Variants in MAST2 observed in about 807,000 individuals in gnomAD.
MAST2 encodes the protein microtubule associated serine/threonine kinase 2.
A neutral mutation model predicts 147.4 loss-of-function variants in MAST2; 70 were observed. The ratio of observed to expected loss-of-function variants is 0.47; its 90% CI spans 0.39 to 0.58. The LOEUF is 0.58. Among genes scored for constraint, MAST2 ranks in the 20% least tolerant of loss-of-function variants. MAST2 has a pLI of 0.00. For missense variants in MAST2, 2,080 were observed against 2,302.3 expected, an observed-to-expected ratio of 0.90 and a Z score of 1.98; for synonymous variants, 869 against 896.8, an observed-to-expected ratio of 0.97 and a Z score of 0.55.
chr1:45,890,494 C>T (rs1647569730), intron 4 of MAST2, among the ~76,000 whole-genome samples: 1 of 152,130 alleles, frequency 6.6e-6, no homozygotes, highest in Non-Finnish European at 1.5e-5. Context: ...ATAGATCTGT[C>T]TCTTCTTCTT....
intron 4 of MAST2, among the ~76,000 whole-genome samples, chr1:45,928,176 C>T (rs1329873568): frequency 2.6e-5 from 4 of 152,198 alleles, no homozygotes; most frequent in Admixed American, 2.0e-4. Flanking sequence ...TCATCTACAT[C>T]CCCACCTATT....
chr1:45,944,840 C>T (rs541607589), intron 4 of MAST2, among the ~76,000 whole-genome samples: 1 of 152,314 alleles, frequency 6.6e-6, no homozygotes, highest in South Asian at 2.1e-4. Context: ...CCTTCTGTGC[C>T]ACGACTGCCT....
chr1:45,811,344 T>G (rs1006015316), intron 1 of MAST2, among the ~76,000 whole-genome samples: 4 of 146,154 alleles, frequency 2.7e-5, no homozygotes, highest in African/African-American at 9.9e-5. Context: ...TTGTATTTTT[T>G]TTTTTTTTTT....
chr1:45,863,478 G>A (rs1291571902), intron 3 of MAST2, among the ~76,000 whole-genome samples: 1 of 152,174 alleles, frequency 6.6e-6, no homozygotes, highest in East Asian at 1.9e-4. Context: ...AGACCACACT[G>A]GTTATGCTAA....
At chr1:46,027,316 C>T (rs1646452736) in intron 16 of MAST2, among the ~76,000 whole-genome samples, 1 of 152,152 alleles carries the variant, frequency 6.6e-6, no homozygotes, top group African/African-American at 2.4e-5. Flanking sequence ...TTATGTGTGC[C>T]CCCTGCCCCT....
intron 4 of MAST2, among the ~76,000 whole-genome samples, chr1:45,914,982 C>G (rs2148599932): frequency 6.6e-6 from 1 of 152,170 alleles, no homozygotes; most frequent in Admixed American, 6.5e-5. Context: ...ACTTTATGGC[C>G]CAGGCGGGAG....
chr1:46,033,639 C>G (rs1646773441), intron 26 of MAST2, among the ~76,000 whole-genome samples, 163 bp from the exon 27 acceptor site: 1 of 152,152 alleles, frequency 6.6e-6, no homozygotes, highest in Non-Finnish European at 1.5e-5. Flanking sequence ...GAGCCATTTC[C>G]TCATCTGTAA....
chr1:46,031,569 ACTC>A lies in MAST2; in HGVS notation c.3175_3177del (p.Leu1059del), dbSNP rs1348974323. The A allele has an allele frequency of 1.9e-6, 3 of 1,612,428 alleles. No individual in the cohort carries two copies. Among genetic ancestry groups the A allele is most frequent in the Admixed American group, 1.7e-5 (1 of 59,942 alleles). The stretch of plus-strand genomic sequence containing the variant: ...AGTCCGCCTCAGCCACAGCCCTCTC[ACTC>A]CTCATTCCTTCGGGTGAGGCCCCTG... On this transcript the variant is annotated inframe_deletion, in exon 24 of 29. Coordinates refer to ENST00000361297, the MANE Select transcript of MAST2 (RefSeq NM_015112.3). The surrounding 1 kb of genome is among the most constrained non-coding windows in gnomAD (Gnocchi z 4.1).
At chr1:45,907,577 C>G (rs550017926) in intron 4 of MAST2, among the ~76,000 whole-genome samples, 1 of 151,780 alleles carries the variant, frequency 6.6e-6, no homozygotes, top group Non-Finnish European at 1.5e-5. Context: ...TGTGCCTCAA[C>G]TTCTGGCATT....
At chr1:45,963,060 G>T (rs1406281180) in intron 5 of MAST2, among the ~76,000 whole-genome samples, 1 of 152,200 alleles carries the variant, frequency 6.6e-6, no homozygotes, top group Non-Finnish European at 1.5e-5. Flanking sequence ...GTTTGTCAAA[G>T]ATCAGATGGT....
chr1:45,968,944 A>G (rs1358274009), intron 5 of MAST2, among the ~76,000 whole-genome samples: 1 of 151,384 alleles, frequency 6.6e-6, no homozygotes, highest in Non-Finnish European at 1.5e-5. Context: ...CATATCCTCA[A>G]GATCAAAGAT....
At chr1:45,976,312 G>A (rs1644154256) in intron 5 of MAST2, among the ~76,000 whole-genome samples, 1 of 152,086 alleles carries the variant, frequency 6.6e-6, no homozygotes, top group African/African-American at 2.4e-5. Flanking sequence ...AAGAGGCAAA[G>A]TGGTCCGGGC....
At chr1:46,000,080 G>A (rs992391440) in intron 6 of MAST2, among the ~76,000 whole-genome samples, 7 of 152,310 alleles carry the variant, frequency 4.6e-5, no homozygotes, top group East Asian at 3.9e-4. Flanking sequence ...TTGGGAGGCC[G>A]AAGCAGGCAT....
chr1:45,891,833 TCA>T (rs199678740), intron 4 of MAST2, among the ~76,000 whole-genome samples: 1,808 of 152,282 alleles, frequency 0.012, 12 homozygotes, highest in Non-Finnish European at 0.02. Flanking sequence ...ATAAAGAATC[TCA>T]GATTGGACTT....
chr1:45,879,172 G>A (rs139140595), intron 3 of MAST2, among the ~76,000 whole-genome samples: 5 of 152,038 alleles, frequency 3.3e-5, no homozygotes, highest in Non-Finnish European at 7.4e-5. Flanking sequence ...TTAGGGAAAG[G>A]ACAGTGTTTT....
chr1:46,033,452 AAAG>A (rs1249643539), intron 26 of MAST2, among the ~76,000 whole-genome samples: 1 of 151,938 alleles, frequency 6.6e-6, no homozygotes, highest in Non-Finnish European at 1.5e-5. Context: ...AAAAAAAAAA[AAAG>A]ATGTAGGTAC....
intron 3 of MAST2, among the ~76,000 whole-genome samples, chr1:45,872,761 G>A (rs1378631081): frequency 2.0e-5 from 3 of 152,116 alleles, no homozygotes; most frequent in East Asian, 1.9e-4. Context: ...GATTACAGGC[G>A]TGAGCCACCA....
intron 7 of MAST2, among the ~76,000 whole-genome samples, chr1:46,005,860 CA>C (rs1375818319): frequency 6.6e-6 from 1 of 152,142 alleles, no homozygotes; most frequent in Non-Finnish European, 1.5e-5. Context: ...GAGCTGCCCC[CA>C]GGGTGGCTCT....
At chr1:45,862,919 C>A (rs1646027744) in intron 3 of MAST2, among the ~76,000 whole-genome samples, 1 of 152,210 alleles carries the variant, frequency 6.6e-6, no homozygotes, top group African/African-American at 2.4e-5. Context: ...CCTTCTTTGA[C>A]ACTCCCATAG....
Sources: gnomAD v4.1 joint callset for allele counts (sites outside exome capture counted in the v4.1 genomes callset) on GRCh38, gnomAD v4.1.1 for gene constraint, Gnocchi (gnomAD v3.1) non-coding constraint, MANE v1.5 for transcripts, NCBI Gene and HGNC (gene_info 2026-07-23, HGNC 2026-07-21) for gene names.